Variants in LARP7 observed in about 807,000 individuals in gnomAD.
LARP7 encodes la-related protein 7.
A neutral mutation model predicts 69.3 loss-of-function variants in LARP7; 52 were observed. The ratio of observed to expected loss-of-function variants is 0.75; its 90% CI spans 0.60 to 0.95. The LOEUF is 0.95. LARP7 is among the 40% of genes least tolerant of loss of function. The pLI, the probability that LARP7 is intolerant of heterozygous loss-of-function variation, is 0.00. For missense variants in LARP7, 733 were observed against 673.0 expected, an observed-to-expected ratio of 1.09 and a Z score of -0.99; for synonymous variants, 254 against 215.9, an observed-to-expected ratio of 1.18 and a Z score of -1.55.
At chr4:112,656,106 T>TA (rs2048944391) in intron 12 of LARP7, among the ~76,000 whole-genome samples, 1 of 152,280 alleles carries the variant, frequency 6.6e-6, no homozygotes, top group Admixed American at 6.5e-5. Context: ...TTCTGGCTCT[T>TA]AATATTCACA....
At chr4:112,653,946 A>C (rs2048859014) in intron 11 of LARP7, 122 bp from the exon 12 acceptor site, 1 of 734,530 alleles carries the variant, frequency 1.4e-6, no homozygotes, top group African/African-American at 1.8e-5. Context: ...AATATGTGTA[A>C]AGTAGCATTA....
In LARP7 at chr4:112,649,646, C is replaced by T. The variant is rs749812461; in HGVS notation, c.1254C>T (p.Asp418=). ...QIKSESEMET[D]SGVPQNTGMK... ...AATCAGAGTCAGAAATGGAAACAGA[C>T]AGTGGAGTACCTCAAAACACTGGAA... Residue 418 remains aspartate (D), a synonymous_variant, in exon 9 of 13, where the codon GAC becomes GAT. Transcript: ENST00000344442. The T allele has an allele frequency of 6.2e-7, 1 of 1,606,904 alleles. No individual in the cohort carries two copies. The highest frequency in any genetic ancestry group is 1.1e-5 in the South Asian group (1 of 90,244).
At chr4:112,645,072 G>A (rs973836342) in intron 2 of LARP7, among the ~76,000 whole-genome samples, 9 of 143,356 alleles carry the variant, frequency 6.3e-5, no homozygotes, top group Admixed American at 4.5e-4. Context: ...TCAGCCTCCC[G>A]AGTAGGTGGG....
At chr4:112,645,450 C>T in intron 2 of LARP7, 3 of 453,450 alleles carry the variant, frequency 6.6e-6, no homozygotes, top group Admixed American at 4.7e-5. Context: ...ATGTGTAACT[C>T]GAGAGTGCTA....
chr4:112,648,419 T>C (rs1472213531), intron 8 of LARP7: 1 of 534,556 alleles, frequency 1.9e-6, no homozygotes, highest in Non-Finnish European at 3.8e-6. Context: ...TACCCCCATG[T>C]TAAAGCAAAG....
Position 112,649,672 on chromosome 4 carries a change from T to A in LARP7, c.1280T>A (p.Met427Lys), listed in dbSNP as rs534168966. Reference protein sequence around the residue: ...TDSGVPQNTGMKNEKTANREE... With the variant: ...TDSGVPQNTGKKNEKTANREE... ...AGTGGAGTACCTCAAAACACTGGAA[T>A]GAAAAATGAAAAAAGTAAAGATCAC... Residue 427 changes from methionine to lysine, a missense_variant, in exon 9 of 13, where the codon ATG becomes AAG. Met to Lys is a moderately conservative substitution (Grantham distance 95). Transcript: ENST00000344442. The A allele has an allele frequency of 6.3e-6, 10 of 1,589,134 alleles. No individual in the cohort carries two copies. In the Admixed American group the frequency reaches 7.3e-5, roughly 12 times the overall value.
At chr4:112,642,530 TG>T (rs983539510) in intron 1 of LARP7, among the ~76,000 whole-genome samples, 5 of 152,230 alleles carry the variant, frequency 3.3e-5, no homozygotes, top group African/African-American at 9.6e-5. Context: ...TATCTATTTC[TG>T]TTACTATCAG....
At chr4:112,654,437 A>G (rs569997073) in intron 12 of LARP7, 5 of 266,588 alleles carry the variant, frequency 1.9e-5, no homozygotes, top group Middle Eastern at 1.3e-3. Context: ...TCTGGCTGCT[A>G]TGTCTTGTAG....
In LARP7 at chr4:112,646,665, G is replaced by A. The variant is rs755729097; in HGVS notation, c.381G>A (p.Val127=). 1 of 1,601,518 alleles carries A rather than the reference G, an allele frequency of 6.2e-7. No individual in the cohort carries two copies. The highest frequency in any genetic ancestry group is 8.5e-7 in the Non-Finnish European group (1 of 1,175,032). Residue 127 remains valine, a synonymous_variant, in exon 4 of 13, where the codon GTG becomes GTA. Transcript: ENST00000344442. The part of the protein sequence containing the change: ...ERPKDEDERT[V]YVELLPKNVN... Reference sequence around the variant, plus strand: ...CAAAGGATGAGGATGAACGCACAGTGTATGTGGTAAGCTTAAGAACCCGGG... The same window carrying A: ...CAAAGGATGAGGATGAACGCACAGTATATGTGGTAAGCTTAAGAACCCGGG...
intron 12 of LARP7, among the ~76,000 whole-genome samples, chr4:112,656,636 TC>T (rs545898341): frequency 9.3e-4 from 142 of 152,326 alleles, no homozygotes; most frequent in African/African-American, 3.2e-3. Flanking sequence ...TGAATTCTTT[TC>T]TGTAAAAATT....
intron 10 of LARP7, 25 bp downstream of exon 10, chr4:112,650,607 A>G (rs1465486514): frequency 1.3e-6 from 2 of 1,594,872 alleles, no homozygotes; most frequent in Admixed American, 1.8e-5. Context: ...CCCCTAGGGT[A>G]TTTGTTCCTT....
At chr4:112,645,276 G>A (rs759149116) in intron 2 of LARP7, among the ~76,000 whole-genome samples, 3 of 151,942 alleles carry the variant, frequency 2.0e-5, no homozygotes, top group Admixed American at 6.6e-5. Flanking sequence ...GTGTATATTC[G>A]TTTCTGTAAG....
At chr4:112,645,720 C>A in intron 2 of LARP7, 2 of 417,978 alleles carry the variant, frequency 4.8e-6, no homozygotes, top group Non-Finnish European at 9.5e-6. Context: ...TGGGGTCCCA[C>A]CATGTTGCCC....
intron 1 of LARP7, among the ~76,000 whole-genome samples, chr4:112,639,252 C>A (rs1385291551): frequency 2.7e-5 from 4 of 150,894 alleles, no homozygotes; most frequent in African/African-American, 7.3e-5. Flanking sequence ...CCCTGCCGCC[C>A]AGGTTGGAGT....
At chr4:112,644,942 A>ATTAT in intron 2 of LARP7, 71 bp downstream of exon 2, 202 of 235,500 alleles carry the variant, frequency 8.6e-4, no homozygotes, top group Non-Finnish European at 1.1e-3. Flanking sequence ...AAAATAATAT[A>ATTAT]TTCTTTTTTT....
intron 9 of LARP7, chr4:112,650,042 A>G (rs1257447917): frequency 5.4e-6 from 1 of 186,880 alleles, no homozygotes; most frequent in African/African-American, 2.4e-5. Flanking sequence ...AAGTTAAAGC[A>G]GAATTCCTAT....
rs1373944862 is a variant in LARP7 at position 112,646,558 on chromosome 4, GTTTTATTAATGTAATATACTA to G, written c.304-24_304-4del. The G allele has an allele frequency of 3.0e-6, 4 of 1,351,424 alleles. No homozygotes were observed. Among genetic ancestry groups the G allele is most frequent in the Non-Finnish European group, 3.0e-6 (3 of 995,000 alleles). 83.7% of individuals were successfully genotyped at this position (1,351,424 alleles called of 1,614,324 possible). ...TAGCTTACAATTATAAATAATATTA[GTTTTATTAATGTAATATACTA>G]TTTTAAAGCTTGATTTGGAAGGCAC... On this transcript the variant is annotated splice_polypyrimidine_tract_variant and intron_variant, in intron 3 of 12. Transcript: ENST00000344442.
At chr4:112,644,098 C>T (rs907048094) in intron 1 of LARP7, among the ~76,000 whole-genome samples, 2 of 151,224 alleles carry the variant, frequency 1.3e-5, no homozygotes, top group South Asian at 2.1e-4. Context: ...AAAAATTAGC[C>T]GGGCATGATG....
chr4:112,650,666 A>G (rs2048687152), intron 10 of LARP7, 84 bp downstream of exon 10: 4 of 1,370,742 alleles, frequency 2.9e-6, no homozygotes, highest in Non-Finnish European at 3.9e-6. Flanking sequence ...TATGGAAGAT[A>G]AAACAAATCA....
Sources: allele counts gnomAD v4.1 joint callset (sites outside exome capture counted in the v4.1 genomes callset), GRCh38; gene constraint gnomAD v4.1.1; transcripts MANE v1.5; gene names NCBI Gene and HGNC (gene_info 2026-07-23, HGNC 2026-07-21).